The following BIN1 variants were observed in gnomAD, a reference collection of about 807,000 sequenced individuals.
BIN1 encodes the protein myc box-dependent-interacting protein 1.
Under a neutral mutation model 82.0 loss-of-function variants are expected in BIN1, and 53 were observed. That is an observed-to-expected ratio of 0.65 (90% confidence interval 0.52 to 0.81). BIN1 has a LOEUF of 0.81. Among genes scored for constraint, BIN1 ranks in the 40% least tolerant of loss-of-function variants. BIN1 has a pLI of 0.00. For missense variants in BIN1, 642 were observed against 784.4 expected, an observed-to-expected ratio of 0.82 and a Z score of 2.17; for synonymous variants, 302 against 328.0, an observed-to-expected ratio of 0.92 and a Z score of 0.86.
At chr2:127,056,709 T>C (rs1370256130) in intron 12 of BIN1, among the ~76,000 whole-genome samples, 1 of 151,534 alleles carries the variant, frequency 6.6e-6, no homozygotes, top group African/African-American at 2.4e-5. Flanking sequence ...TCTCGGGGAG[T>C]GCGGGGAAGG....
At position 127,057,436 on chromosome 2, in the gene BIN1, A is replaced by G. The variant is rs1683839360; in HGVS notation, c.1131+37T>C. 6.5e-7 allele frequency: 1 copy of G among 1,532,772 alleles called. No individual in the cohort carries two copies. Among genetic ancestry groups the G allele is most frequent in the South Asian group, 1.2e-5 (1 of 82,122 alleles). The allele number at this position is 1,532,772 out of a possible 1,614,324, so 94.9% of individuals were successfully genotyped here. On this transcript the variant is annotated intron_variant, in intron 12 of 18. Coordinates refer to ENST00000316724, the MANE Select transcript of BIN1 (RefSeq NM_139343.3). This position sits in a 1 kb window ranked among gnomAD's most constrained non-coding sequence, Gnocchi z 5.0. ...GCCATGCACGCCCTGAGAGGGCAGG[A>G]AGAGAGGAGAGCTGGGCCGCGGCGG...
intron 1 of BIN1, among the ~76,000 whole-genome samples, chr2:127,100,971 G>GGAAACCT (rs1680238520): frequency 6.8e-6 from 1 of 146,654 alleles, no homozygotes; most frequent in African/African-American, 2.5e-5. Context: ...CAAGAATTCA[G>GGAAACCT]TGAGACTTGC....
chr2:127,070,472 C>T, intron 4 of BIN1, 81 bp downstream of exon 4: 1 of 1,541,516 alleles, frequency 6.5e-7, no homozygotes, highest in Non-Finnish European at 8.9e-7. Flanking sequence ...GAGGCTTGTC[C>T]CAGAGGGCAC....
rs554714791 is a variant in BIN1 at position 127,088,569 on chromosome 2, C to T, written c.85-11863G>A. ...TGGGCAACATAGTGAGATCCTACCC[C>T]TACCAAAAATAGTTTTTAATTAGCT... On this transcript the variant is annotated intron_variant, in intron 1 of 18. Coordinates refer to ENST00000316724, the MANE Select transcript of BIN1 (RefSeq NM_139343.3). 5.9e-5 allele frequency among the ~76,000 whole-genome samples: 9 copies of T among 152,172 alleles called. No individual in the cohort carries two copies. The East Asian group carries it at 1.7e-3, about 29-fold the overall frequency.
chr2:127,052,591 G>A (rs971371530), intron 14 of BIN1: 97 of 571,824 alleles, frequency 1.7e-4, no homozygotes, highest in African/African-American at 1.6e-3. Flanking sequence ...AGCACCTACC[G>A]AAATCCACTT....
chr2:127,092,092 A>C (rs1679010333), intron 1 of BIN1, among the ~76,000 whole-genome samples: 7 of 134,934 alleles, frequency 5.2e-5, no homozygotes, highest in Admixed American at 2.2e-4. Flanking sequence ...CCCACATACC[A>C]CCCTCCACCA....
chr2:127,070,836 G>T lies in BIN1; in HGVS notation c.166-20C>A. ...CTCCGTCTGCAAAGAGAAGGACAAG[G>T]ACCAGGTCAGGGACTGGTGGCACAC... On this transcript the variant is annotated intron_variant, in intron 2 of 18. Coordinates refer to ENST00000316724, the MANE Select transcript of BIN1 (RefSeq NM_139343.3). 1 of 1,608,724 alleles carries T rather than the reference G, an allele frequency of 6.2e-7. No homozygotes were observed. The highest frequency in any genetic ancestry group is 1.3e-5 in the African/African-American group (1 of 74,842).
At chr2:127,102,449 C>A (rs1036925680) in intron 1 of BIN1, among the ~76,000 whole-genome samples, 9 of 152,224 alleles carry the variant, frequency 5.9e-5, no homozygotes, top group African/African-American at 2.2e-4. Context: ...AGGGAATCTA[C>A]CACCCAGGCA....
chr2:127,083,477 C>T (rs184001256), intron 1 of BIN1, among the ~76,000 whole-genome samples: 7 of 152,352 alleles, frequency 4.6e-5, no homozygotes, highest in East Asian at 3.9e-4. Flanking sequence ...CTTCGCTCCA[C>T]AATACTTCAC....
chr2:127,065,754 T>C (rs916680542), intron 7 of BIN1, among the ~76,000 whole-genome samples: 4 of 152,180 alleles, frequency 2.6e-5, no homozygotes, highest in African/African-American at 9.6e-5. Context: ...CACCCAGCCG[T>C]GCTCTCACCG....
At chr2:127,051,360 G>A (rs1253109000) in intron 15 of BIN1, 117 bp from the exon 16 acceptor site, 2 of 1,045,002 alleles carry the variant, frequency 1.9e-6, no homozygotes, top group East Asian at 2.6e-5. Context: ...CGCCTGGCTG[G>A]CAGCAGGGTC....
intron 1 of BIN1, among the ~76,000 whole-genome samples, chr2:127,091,561 G>A (rs80065397): frequency 0.046 from 7,065 of 152,270 alleles, 394 homozygotes; most frequent in East Asian, 0.19. Context: ...AGAAGGGGAC[G>A]AGGTGTTTGA....
At chr2:127,069,825 G>C (rs1685643528) in intron 5 of BIN1, among the ~76,000 whole-genome samples, 170 bp downstream of exon 5, 1 of 152,230 alleles carries the variant, frequency 6.6e-6, no homozygotes, top group African/African-American at 2.4e-5. Flanking sequence ...GGAATGGGGG[G>C]CCGTGGGCTG....
chr2:127,084,273 C>T (rs2105217304), intron 1 of BIN1, among the ~76,000 whole-genome samples: 1 of 152,344 alleles, frequency 6.6e-6, no homozygotes, highest in South Asian at 2.1e-4. Flanking sequence ...ACCCAATCTC[C>T]TCCACGTGAC....
At chr2:127,105,514 G>T (rs969060148) in intron 1 of BIN1, among the ~76,000 whole-genome samples, 2 of 132,180 alleles carry the variant, frequency 1.5e-5, no homozygotes, top group African/African-American at 2.7e-5. Context: ...TCCCTGGGGT[G>T]GGGGGTTGGG....
intron 1 of BIN1, among the ~76,000 whole-genome samples, chr2:127,079,531 T>G (rs1490887527): frequency 6.6e-6 from 1 of 152,234 alleles, no homozygotes; most frequent in East Asian, 1.9e-4. Context: ...TACCTGCACA[T>G]GGCAAACTCC....
At chr2:127,105,623 A>T (rs1314597630) in intron 1 of BIN1, among the ~76,000 whole-genome samples, 2 of 151,664 alleles carry the variant, frequency 1.3e-5, no homozygotes, top group Non-Finnish European at 2.9e-5. Flanking sequence ...GAGCAGTAGG[A>T]CTCTGAGGGA....
chr2:127,106,827 A>G, intron 1 of BIN1, 33 bp downstream of exon 1: 1 of 1,571,276 alleles, frequency 6.4e-7, no homozygotes, highest in Non-Finnish European at 8.6e-7. Context: ...GGCGGCTGGG[A>G]CTCCGCGGCT....
Position 127,068,397 on chromosome 2 carries a change from A to G in BIN1, c.520-142T>C, listed in dbSNP as rs1173251819. The G allele has an allele frequency of 1.8e-5, 11 of 623,402 alleles. No individual in the cohort carries two copies. Among genetic ancestry groups the G allele is most frequent in the Non-Finnish European group, 3.1e-5 (11 of 357,592 alleles). The allele number at this position is 623,402 out of a possible 1,614,324, so 38.6% of individuals were successfully genotyped here. On this transcript the variant is annotated intron_variant, in intron 6 of 18. Coordinates refer to ENST00000316724, the MANE Select transcript of BIN1 (RefSeq NM_139343.3). This position sits in a 1 kb window ranked among gnomAD's most constrained non-coding sequence, Gnocchi z 4.9. ...AAGCAGATATGGGCCCTTGAGGCCG[A>G]GAGAATTAGGGGGAGCCCGGGGGGT... is the stretch of plus-strand genomic sequence containing the variant.
Sources: gnomAD v4.1 joint callset for allele counts (sites outside exome capture counted in the v4.1 genomes callset) on GRCh38, gnomAD v4.1.1 for gene constraint, Gnocchi (gnomAD v3.1) non-coding constraint, MANE v1.5 for transcripts, NCBI Gene and HGNC (gene_info 2026-07-23, HGNC 2026-07-21) for gene names.